The following NAV2 variants were observed in gnomAD, a reference collection of about 807,000 sequenced individuals.
NAV2 encodes helicase, APC down-regulated 1.
Under a neutral mutation model 223.2 loss-of-function variants are expected in NAV2, and 54 were observed. The ratio of observed to expected loss-of-function variants is 0.24; its 90% CI spans 0.19 to 0.30. The LOEUF is 0.30. Among genes scored for constraint, NAV2 ranks in the 10% least tolerant of loss-of-function variants. NAV2 has a pLI of 1.00. For missense variants in NAV2, 2,806 were observed against 3,147.5 expected, an observed-to-expected ratio of 0.89 and a Z score of 2.60; for synonymous variants, 1,279 against 1,239.3, an observed-to-expected ratio of 1.03 and a Z score of -0.67.
chr11:19,461,997 C>A (rs982168349), intron 1 of NAV2, among the ~76,000 whole-genome samples: 1 of 152,116 alleles, frequency 6.6e-6, no homozygotes, highest in African/African-American at 2.4e-5. Context: ...TTAGTAGAGA[C>A]GCAGTTTCAC....
At chr11:19,914,121 T>C (rs191563000) in intron 6 of NAV2, among the ~76,000 whole-genome samples, 24 of 152,340 alleles carry the variant, frequency 1.6e-4, no homozygotes, top group African/African-American at 4.8e-4. Context: ...ACCACAGGAA[T>C]TGGCAAACAC....
chr11:19,388,289 G>A (rs547904942), intron 1 of NAV2, among the ~76,000 whole-genome samples: 81 of 152,248 alleles, frequency 5.3e-4, no homozygotes, highest in African/African-American at 1.6e-3. Context: ...CAAACCCATC[G>A]CTCATCTCTG....
At chr11:19,831,967 G>A (rs755535147) in intron 1 of NAV2, among the ~76,000 whole-genome samples, 5 of 152,150 alleles carry the variant, frequency 3.3e-5, no homozygotes, top group African/African-American at 1.2e-4. Context: ...AATTGAAGGG[G>A]CTCTGTTTTC....
chr11:19,603,410 G>T (rs1401724930), intron 1 of NAV2, among the ~76,000 whole-genome samples: 1 of 152,056 alleles, frequency 6.6e-6, no homozygotes, highest in Non-Finnish European at 1.5e-5. Context: ...GGTGGATCAC[G>T]AGGTCAGGAG....
intron 1 of NAV2, among the ~76,000 whole-genome samples, chr11:19,794,756 C>T (rs2057777917): frequency 6.6e-6 from 1 of 152,052 alleles, no homozygotes; most frequent in South Asian, 2.1e-4. Flanking sequence ...AAAATGCCAA[C>T]CTCCTTTCCC....
chr11:20,066,789 G>A (rs1458306999), intron 20 of NAV2, among the ~76,000 whole-genome samples: 3 of 152,162 alleles, frequency 2.0e-5, no homozygotes, highest in Non-Finnish European at 4.4e-5. Context: ...GACACCTAGC[G>A]AGGACCCAAG....
intron 36 of NAV2, 99 bp from the exon 37 acceptor site, chr11:20,114,493 T>C (rs749556775): frequency 6.7e-6 from 7 of 1,046,060 alleles, no homozygotes; most frequent in Middle Eastern, 2.0e-4. Context: ...AGGGAAGGCA[T>C]GATGCTGGAT....
At chr11:19,351,500 G>C (rs1853310668) in intron 1 of NAV2, among the ~76,000 whole-genome samples, 1 of 152,192 alleles carries the variant, frequency 6.6e-6, no homozygotes, top group African/African-American at 2.4e-5. Flanking sequence ...CTGTGAGAAT[G>C]TCACAGCCAT....
chr11:19,692,062 G>A (rs1464284893), intron 1 of NAV2, among the ~76,000 whole-genome samples: 1 of 152,212 alleles, frequency 6.6e-6, no homozygotes, highest in East Asian at 1.9e-4. Flanking sequence ...ATGGCCAAGT[G>A]CCAGCGTGAC....
intron 1 of NAV2, among the ~76,000 whole-genome samples, chr11:19,657,547 T>C (rs2048161269): frequency 6.6e-6 from 1 of 152,136 alleles, no homozygotes; most frequent in Admixed American, 6.5e-5. Flanking sequence ...TTTCCCACCA[T>C]GCTGGTGCTT....
In NAV2 at chr11:20,082,655, A is replaced by G. The variant is rs189393652; in HGVS notation, c.5326-352A>G. 43 of 1,534,506 alleles carry G rather than the reference A, an allele frequency of 2.8e-5. No individual in the cohort carries two copies. The East Asian group carries it at 9.4e-4, about 34-fold the overall frequency. On this transcript the variant is annotated intron_variant, in intron 25 of 37. Transcript: ENST00000349880. ...CCAAGCTAACCCATCCATTGATATG[A>G]CTAACCTCATCCGCATCCATCACCG...
At chr11:19,691,342 G>T (rs1311577088) in intron 1 of NAV2, among the ~76,000 whole-genome samples, 2 of 151,624 alleles carry the variant, frequency 1.3e-5, no homozygotes, top group Non-Finnish European at 1.5e-5. Flanking sequence ...AACCTATAAT[G>T]AATACAAAAA....
intron 1 of NAV2, among the ~76,000 whole-genome samples, chr11:19,574,534 A>C (rs561370279): frequency 1.3e-5 from 2 of 152,138 alleles, no homozygotes; most frequent in Non-Finnish European, 2.9e-5. Flanking sequence ...TTCCCAGGGC[A>C]GTGGGGCTAA....
intron 1 of NAV2, among the ~76,000 whole-genome samples, chr11:19,452,750 T>C (rs933050080): frequency 6.6e-6 from 1 of 152,222 alleles, no homozygotes; most frequent in East Asian, 1.9e-4. Context: ...TTGAATACTG[T>C]ATTCAAAGTG....
chr11:19,790,784 G>T (rs565231924), intron 1 of NAV2, among the ~76,000 whole-genome samples: 2 of 152,104 alleles, frequency 1.3e-5, no homozygotes, highest in Non-Finnish European at 2.9e-5. Flanking sequence ...ACACCAAGTC[G>T]CTAACAGTTG....
intron 1 of NAV2, among the ~76,000 whole-genome samples, chr11:19,356,203 G>A (rs966329333): frequency 1.6e-4 from 25 of 152,168 alleles, no homozygotes; most frequent in African/African-American, 3.6e-4. Flanking sequence ...CACTGAAGAC[G>A]AAAGGAGAGA....
At chr11:19,991,887 T>C (rs2051371435) in intron 11 of NAV2, among the ~76,000 whole-genome samples, 1 of 152,198 alleles carries the variant, frequency 6.6e-6, no homozygotes, top group African/African-American at 2.4e-5. Context: ...TCTTTACCTC[T>C]CATTCCCAGC....
At chr11:20,027,133 A>C (rs2055165302) in intron 11 of NAV2, 1 of 320,596 alleles carries the variant, frequency 3.1e-6, no homozygotes, top group Admixed American at 6.5e-5. Flanking sequence ...CCCCAGCAAT[A>C]GTTAGAGGAG....
Position 19,555,287 on chromosome 11 carries a change from A to T in NAV2, c.75+204260A>T, listed in dbSNP as rs1419146169. Reference sequence around the variant, plus strand: ...CCCAGGTAGGTCTGGGGCTGGGAAGAGCTGCAGAGTGATCCCCACTGGGGA... The same window carrying T: ...CCCAGGTAGGTCTGGGGCTGGGAAGTGCTGCAGAGTGATCCCCACTGGGGA... On this transcript the variant is annotated intron_variant, in intron 1 of 37. Coordinates refer to the NAV2 transcript ENST00000360655. 2.0e-5 allele frequency among the ~76,000 whole-genome samples: 3 copies of T among 152,314 alleles called. No homozygotes were observed. In the East Asian group the frequency reaches 5.8e-4, roughly 29 times the overall value.
Sources: allele counts gnomAD v4.1 joint callset (sites outside exome capture counted in the v4.1 genomes callset), GRCh38; gene constraint gnomAD v4.1.1; transcripts MANE v1.5; gene names NCBI Gene and HGNC (gene_info 2026-07-23, HGNC 2026-07-21).